ABCA5: variants seen among roughly 807,000 people sequenced by gnomAD.
ABCA5 encodes the protein ATP binding cassette subfamily A member 5.
ABCA5 carries 163 observed loss-of-function variants against 206.0 expected under a neutral mutation model. The ratio of observed to expected loss-of-function variants is 0.79; its 90% CI spans 0.70 to 0.90. The LOEUF (loss-of-function observed/expected upper bound fraction) is 0.90, where lower values mean the gene tolerates loss of function less well. ABCA5 is among the 40% of genes least tolerant of loss of function. The pLI, the probability that ABCA5 is intolerant of heterozygous loss-of-function variation, is 0.00. For synonymous variants in ABCA5, 609 were observed against 613.8 expected, an observed-to-expected ratio of 0.99 and a Z score of 0.11; for missense variants, 1,859 against 1,912.9, an observed-to-expected ratio of 0.97 and a Z score of 0.53.
rs561979343 is a variant in ABCA5, at chr17:69,313,745, A to C, written c.103-449T>G. Among the ~76,000 whole-genome samples the C allele has an allele frequency of 7.2e-5, 11 of 152,276 alleles. No individual in the cohort carries two copies. The South Asian group carries it at 1.9e-3, about 26-fold the overall frequency. ...ATGTATACTACCAAAACCATACTGA[A>C]TTAAATTCTACGGTCAGTTTTAGTA... On this transcript the variant is annotated intron_variant, in intron 2 of 38. Transcript: ENST00000392676.
chr17:69,271,846 C>G (rs1203346170), intron 20 of ABCA5, among the ~76,000 whole-genome samples: 1 of 152,128 alleles, frequency 6.6e-6, no homozygotes, highest in Admixed American at 6.6e-5. Flanking sequence ...AGGCTCTGGG[C>G]AGACATGTCA....
At position 69,274,075 on chromosome 17, in the gene ABCA5, T is replaced by G; in HGVS notation, c.2648A>C (p.His883Pro). The part of the protein sequence containing the change: ...FTVQIFMFLV[H>P]HSFKNAVVPI... ...AACCACAGCATTTTTAAAAGAGTGA[T>G]GAACCAAAAACATAAAAATCTGAAC... The change falls in exon 20 of 39, where the codon CAT becomes CCT. Residue 883 changes from histidine (H) to proline (P), a missense_variant. His to Pro is a moderately conservative substitution (Grantham distance 77, BLOSUM62 -2). Coordinates refer to ENST00000392676, the MANE Select transcript of ABCA5 (RefSeq NM_172232.4). 6.2e-7 allele frequency: 1 copy of G among 1,601,254 alleles called. No homozygotes were observed. Among genetic ancestry groups the G allele is most frequent in the Non-Finnish European group, 8.5e-7 (1 of 1,176,218 alleles).
At chr17:69,255,355 T>C (rs2075062469) in intron 31 of ABCA5, among the ~76,000 whole-genome samples, 188 bp downstream of exon 31, 1 of 152,198 alleles carries the variant, frequency 6.6e-6, no homozygotes, top group South Asian at 2.1e-4. Flanking sequence ...TACATGTGTC[T>C]ATGAAAATTT....
chr17:69,254,568 C>A (rs998840959), intron 31 of ABCA5, 78 bp from the exon 32 acceptor site: 7 of 1,095,100 alleles, frequency 6.4e-6, no homozygotes, highest in Non-Finnish European at 9.2e-6. Flanking sequence ...TTAATTAAAA[C>A]CCCTTCCTAC....
intron 3 of ABCA5, among the ~76,000 whole-genome samples, chr17:69,311,760 G>A (rs1265422819): frequency 6.6e-6 from 1 of 152,060 alleles, no homozygotes; most frequent in African/African-American, 2.4e-5. Flanking sequence ...CCAAAGTGCT[G>A]GGATTACAGG....
rs1598153768 is a variant in ABCA5, at chr17:69,260,199, C to G, written c.3639+139G>C. On this transcript the variant is annotated intron_variant, in intron 27 of 38. Coordinates refer to ENST00000392676, the MANE Select transcript of ABCA5 (RefSeq NM_172232.4). ...TACTCCCCACTGAAATACAGATTAG[C>G]TAGCGTTAACTAACATGCTTAACTT... 4 of 579,158 alleles carry G rather than the reference C, an allele frequency of 6.9e-6. No individual in the cohort carries two copies. In the East Asian group the frequency reaches 1.2e-4, roughly 17 times the overall value. 35.9% of individuals were successfully genotyped at this position (579,158 alleles called of 1,614,324 possible). A position where few individuals can be genotyped will look rare whatever the true frequency, so the allele number is the denominator to read the frequency against.
chr17:69,298,179 C>G (rs1472733989), intron 9 of ABCA5, among the ~76,000 whole-genome samples: 1 of 135,482 alleles, frequency 7.4e-6, no homozygotes, highest in Non-Finnish European at 1.5e-5. Flanking sequence ...CAGCAAAACC[C>G]TGTCTCAAAA....
chr17:69,264,898 G>A lies in ABCA5; in HGVS notation c.3152C>T (p.Ala1051Val). ...MENAENHKIK[A>V]YTQLKLSGLL... is the part of the protein sequence containing the mutation. ...ACCTGAAAGTTTAAGTTGAGTATAA[G>A]CTTTGATCTAAAAAAAATGAAAAAC... is the stretch of plus-strand genomic sequence containing the variant. Residue 1051 changes from alanine (A) to valine (V), a missense_variant, in exon 24 of 39, where the codon GCT (alanine) becomes GTT (valine). Ala to Val is a moderately conservative substitution (Grantham distance 64). Coordinates refer to ENST00000392676, the MANE Select transcript of ABCA5 (RefSeq NM_172232.4). The A allele has an allele frequency of 2.0e-6, 3 of 1,497,978 alleles. No individual in the cohort carries two copies. The highest frequency in any genetic ancestry group is 2.7e-6 in the Non-Finnish European group (3 of 1,128,314). The allele number at this position is 1,497,978 out of a possible 1,614,324, so 92.8% of individuals were successfully genotyped here. A position where few individuals can be genotyped will look rare whatever the true frequency, so the allele number is the denominator to read the frequency against.
chr17:69,301,362 T>A (rs2075651012), intron 8 of ABCA5, 76 bp from the exon 9 acceptor site: 1 of 1,295,028 alleles, frequency 7.7e-7, no homozygotes, highest in Non-Finnish European at 1.1e-6. Context: ...TTAAGAGTTA[T>A]TTAGCATATC....
rs747704736 is a variant in ABCA5, at chr17:69,314,338, G to A, written c.78C>T (p.Cys26=). 3.1e-6 allele frequency: 5 copies of A among 1,612,348 alleles called. No homozygotes were observed. Among genetic ancestry groups the A allele is most frequent in the Non-Finnish European group, 4.2e-6 (5 of 1,179,090 alleles). The part of the protein sequence containing the change: ...TLLLKNYLIK[C]RTKKSSVQEI... ...CCTGAACACTACTCTTTTTGGTTCTGCATTTAATTAAGTAATTCTTCAGTA... is the reference window on the plus strand; with the variant it reads ...CCTGAACACTACTCTTTTTGGTTCTACATTTAATTAAGTAATTCTTCAGTA... Residue 26 remains cysteine, a synonymous_variant, in exon 2 of 39, where the codon TGC becomes TGT. Transcript: ENST00000392676.
rs893110289 is a variant in ABCA5 at position 69,246,767 on chromosome 17, C to A, written c.*770G>T. The A allele has an allele frequency of 9.9e-5, 15 of 151,916 alleles. No homozygotes were observed. The highest frequency in any genetic ancestry group is 3.6e-4 in the African/African-American group (15 of 41,436). 9.4% of individuals were successfully genotyped at this position (151,916 alleles called of 1,614,324 possible). A position where few individuals can be genotyped will look rare whatever the true frequency, so the allele number is the denominator to read the frequency against. On this transcript the variant is annotated 3_prime_UTR_variant, in exon 39 of 39. Coordinates refer to ENST00000392676, the MANE Select transcript of ABCA5 (RefSeq NM_172232.4). ...GAAAAGGTATGGCTTAATTCTACCA[C>A]CTCCATAGATAACTGTCATTCTAGC...
chr17:69,266,585 T>A (rs905542400), intron 23 of ABCA5, among the ~76,000 whole-genome samples: 20 of 145,434 alleles, frequency 1.4e-4, no homozygotes, highest in South Asian at 4.2e-4. Flanking sequence ...TATATATATA[T>A]AAATAAAAAA....
chr17:69,287,683 TA>T lies in ABCA5; in HGVS notation c.1970del (p.Leu657Ter), dbSNP rs768298726. ...PCSRHIVWNL[L>X]KYRKANRVTV... ...TCACCCGATTGGCTTTTCTGTATTT[TA>T]AAAGATTCCATACAATATGTCGAGA... On this transcript the variant is annotated frameshift_variant, in exon 15 of 39. Transcript: ENST00000392676. LOFTEE classifies it high-confidence loss of function. The T allele has an allele frequency of 3.7e-6, 6 of 1,614,042 alleles. No homozygotes were observed. The highest frequency in any genetic ancestry group is 5.1e-6 in the Non-Finnish European group (6 of 1,179,944).
rs199502367 is a variant in ABCA5, at chr17:69,298,316, G to A, written c.1268-957C>T. ...GGGGAAAGAGAAAGAAAGAGAGAGA[G>A]AGGAAGGAAGGAAGGAAGGAAGGAA... On this transcript the variant is annotated intron_variant, in intron 9 of 38. Coordinates refer to ENST00000392676, the MANE Select transcript of ABCA5 (RefSeq NM_172232.4). Among the ~76,000 whole-genome samples, 194 of 42,014 alleles carry A rather than the reference G, an allele frequency of 4.6e-3. 4 individuals carry two copies. The highest frequency in any genetic ancestry group is 9.9e-3 in the East Asian group (15 of 1,522). 27.6% of individuals were successfully genotyped at this position (42,014 alleles called of 152,430 possible).
At chr17:69,303,875 T>C (rs550207520) in intron 7 of ABCA5, among the ~76,000 whole-genome samples, 1 of 112,876 alleles carries the variant, frequency 8.9e-6, no homozygotes, top group African/African-American at 3.4e-5. Flanking sequence ...TATATACATA[T>C]ATACATACAC....
intron 9 of ABCA5, among the ~76,000 whole-genome samples, chr17:69,298,894 G>A (rs2075620415): frequency 1.3e-5 from 2 of 152,194 alleles, no homozygotes; most frequent in Admixed American, 1.3e-4. Context: ...AACCCACAGA[G>A]TGGGAGAAGG....
At chr17:69,273,004 T>C (rs1392593856) in intron 20 of ABCA5, among the ~76,000 whole-genome samples, 1 of 152,212 alleles carries the variant, frequency 6.6e-6, no homozygotes, top group Non-Finnish European at 1.5e-5. Flanking sequence ...TAGGAACAAC[T>C]GATCACATAT....
chr17:69,313,100 A>AGAT lies in ABCA5; in HGVS notation c.296_298dup (p.His99dup), dbSNP rs2075785344. 1 of 1,599,818 alleles carries AGAT rather than the reference A, an allele frequency of 6.3e-7. No homozygotes were observed. The highest frequency in any genetic ancestry group is 1.3e-5 in the African/African-American group (1 of 74,600). The stretch of plus-strand genomic sequence containing the variant: ...ATATAAGCTCACAATACCATCAGGT[A>AGAT]GATGATCAGTAGACACTTTCTGCAT... On this transcript the variant is annotated inframe_insertion, in exon 3 of 39. Coordinates refer to ENST00000392676, the MANE Select transcript of ABCA5 (RefSeq NM_172232.4).
intron 28 of ABCA5, among the ~76,000 whole-genome samples, chr17:69,257,595 T>C (rs2075098162): frequency 6.6e-6 from 1 of 151,420 alleles, no homozygotes; most frequent in Admixed American, 6.6e-5. Flanking sequence ...AAGAGAGATA[T>C]AGAATAGGAA....
Sources: gnomAD v4.1 joint callset for allele counts (sites outside exome capture counted in the v4.1 genomes callset) on GRCh38, gnomAD v4.1.1 for gene constraint, MANE v1.5 for transcripts, NCBI Gene and HGNC (gene_info 2026-07-23, HGNC 2026-07-21) for gene names.